WDR89: variants seen among roughly 807,000 people sequenced by gnomAD.
WDR89 encodes the protein WD repeat domain 89.
A neutral mutation model predicts 29.1 loss-of-function variants in WDR89; 17 were observed. The ratio of observed to expected loss-of-function variants is 0.58; its 90% confidence interval spans 0.40 to 0.88. The LOEUF (loss-of-function observed/expected upper bound fraction) is 0.88. Ranked by LOEUF, WDR89 falls within the 40% of genes least tolerant of loss-of-function variation. The pLI, the probability that WDR89 is intolerant of heterozygous loss-of-function variation, is 0.00. For synonymous variants in WDR89, 138 were observed against 157.8 expected (o/e 0.87, Z 0.94); for missense variants, 396 against 456.3 (o/e 0.87, Z 1.20).
chr14:63,617,077 C>CTT (rs10602220), intron 2 of WDR89, among the ~76,000 whole-genome samples: 58 of 104,088 alleles, frequency 5.6e-4, no homozygotes, highest in Non-Finnish European at 9.1e-4. Context: ...TAATTACAAG[C>CTT]TTTTTTTTTT....
intron 1 of WDR89, among the ~76,000 whole-genome samples, chr14:63,640,192 ACT>A (rs2139588425): frequency 6.6e-6 from 1 of 152,322 alleles, no homozygotes; most frequent in Admixed American, 6.5e-5. Flanking sequence ...GCAAGTTACC[ACT>A]GTTTTACTCG....
At chr14:63,609,546 C>T (rs372329543) in intron 2 of WDR89, among the ~76,000 whole-genome samples, 2 of 152,128 alleles carry the variant, frequency 1.3e-5, no homozygotes, top group South Asian at 2.1e-4. Flanking sequence ...CCCAGCACTT[C>T]GGGAAGCCGA....
intron 2 of WDR89, among the ~76,000 whole-genome samples, chr14:63,606,251 G>A (rs1172604143): frequency 6.6e-6 from 1 of 151,984 alleles, no homozygotes; most frequent in Non-Finnish European, 1.5e-5. Context: ...CCCAGCCTGT[G>A]TCTCAATTTT....
rs559461671 is a variant in WDR89 at position 63,621,389 on chromosome 14, G to C, written c.-32+3539C>G. Among the ~76,000 whole-genome samples, 16 of 152,180 alleles carry C rather than the reference G, an allele frequency of 1.1e-4. No individual in the cohort carries two copies. The East Asian group carries it at 3.1e-3, about 29-fold the overall frequency. The stretch of plus-strand genomic sequence containing the variant: ...GAGGCAGGTGGATCACCTGAGGTCA[G>C]GAGTTCGAGACCAGCCTGACCAACA... On this transcript the variant is annotated intron_variant, in intron 2 of 2. Coordinates refer to ENST00000620954, the MANE Select transcript of WDR89 (RefSeq NM_080666.4).
chr14:63,627,702 A>C (rs1356055977), intron 1 of WDR89, among the ~76,000 whole-genome samples: 1 of 152,164 alleles, frequency 6.6e-6, no homozygotes, highest in Non-Finnish European at 1.5e-5. Flanking sequence ...CGAAGGAATA[A>C]ACACATGGAG....
intron 1 of WDR89, among the ~76,000 whole-genome samples, chr14:63,640,353 T>C (rs1884024660): frequency 6.6e-6 from 1 of 152,208 alleles, no homozygotes; most frequent in Non-Finnish European, 1.5e-5. Flanking sequence ...TTTATTTCAA[T>C]TATACAGGTG....
At chr14:63,607,344 T>C (rs1895365826) in intron 2 of WDR89, among the ~76,000 whole-genome samples, 1 of 152,006 alleles carries the variant, frequency 6.6e-6, no homozygotes, top group Non-Finnish European at 1.5e-5. Flanking sequence ...TTTGTATTTT[T>C]AGTAGAGACG....
rs552293309 is a variant in WDR89, at chr14:63,641,600, C to A, written c.-138+204G>T. ...CCCGCAGAAGTTTCTTTGGCCAGGG[C>A]CAGCACAGGTTTGACCTGGTGGCTC... On this transcript the variant is annotated intron_variant, in intron 1 of 2. Transcript: ENST00000620954. 2.3e-4 allele frequency among the ~76,000 whole-genome samples: 35 copies of A among 152,384 alleles called. 1 individual carries two copies. The South Asian group carries it at 4.6e-3, about 20-fold the overall frequency.
At chr14:63,607,638 T>C (rs1431806702) in intron 2 of WDR89, among the ~76,000 whole-genome samples, 2 of 151,508 alleles carry the variant, frequency 1.3e-5, no homozygotes, top group Non-Finnish European at 2.9e-5. Context: ...TCCCAGCACT[T>C]TGGGAGGCCG....
At position 63,598,969 on chromosome 14, in the gene WDR89, C is replaced by T. The variant is rs188415224; in HGVS notation, c.974G>A (p.Arg325His). 1.4e-5 allele frequency: 23 copies of T among 1,614,202 alleles called. No individual in the cohort carries two copies. The East Asian group carries it at 2.5e-4, about 17-fold the overall frequency. ...SLQGGHAATV[R>H]SFCWNVQDDS... The stretch of plus-strand genomic sequence containing the variant: ...ATCTTGCACATTCCAACAGAAAGAA[C>T]GGACTGTAGCAGCATGCCCTCCCTG... The change falls in exon 3 of 3, where the codon CGT (arginine) becomes CAT (histidine). Residue 325 changes from arginine to histidine, a missense_variant. Arg to His is a conservative substitution (Grantham distance 29, BLOSUM62 0). Coordinates refer to ENST00000620954, the MANE Select transcript of WDR89 (RefSeq NM_080666.4).
intron 1 of WDR89, among the ~76,000 whole-genome samples, chr14:63,628,329 C>G (rs1431820091): frequency 6.6e-6 from 1 of 152,108 alleles, no homozygotes; most frequent in Non-Finnish European, 1.5e-5. Context: ...TTTCGCTGAC[C>G]AAAGAAATGC....
intron 2 of WDR89, among the ~76,000 whole-genome samples, chr14:63,605,401 C>T (rs568349301): frequency 6.6e-6 from 1 of 151,784 alleles, no homozygotes; most frequent in East Asian, 1.9e-4. Context: ...CATAATACTT[C>T]ATAAAGACAA....
At chr14:63,614,623 C>CA (rs767271893) in intron 2 of WDR89, among the ~76,000 whole-genome samples, 5 of 152,150 alleles carry the variant, frequency 3.3e-5, no homozygotes, top group Non-Finnish European at 5.9e-5. Context: ...CTAGAGGAAA[C>CA]AATACCTTGG....
intron 2 of WDR89, among the ~76,000 whole-genome samples, chr14:63,604,422 C>A (rs1895218189): frequency 6.6e-6 from 1 of 152,042 alleles, no homozygotes; most frequent in African/African-American, 2.4e-5. Flanking sequence ...CAAAAAAAAA[C>A]TGACACAAAA....
intron 1 of WDR89, among the ~76,000 whole-genome samples, chr14:63,627,940 A>C (rs1484920176): frequency 6.6e-6 from 1 of 152,138 alleles, no homozygotes; most frequent in Admixed American, 6.5e-5. Context: ...TTTTTTGATT[A>C]AATTTCTCTA....
chr14:63,601,565 G>C, intron 2 of WDR89: 1 of 1,598,206 alleles, frequency 6.3e-7, no homozygotes, highest in East Asian at 2.2e-5. Context: ...TGGTTGAAAG[G>C]AGTGCTGTTG....
chr14:63,641,634 G>C (rs898272159), intron 1 of WDR89, among the ~76,000 whole-genome samples, 170 bp downstream of exon 1: 1 of 152,258 alleles, frequency 6.6e-6, no homozygotes, highest in Admixed American at 6.5e-5. Context: ...TCCGACGGCG[G>C]AGCGAGACTG....
At chr14:63,634,818 C>T (rs1232816083) in intron 1 of WDR89, among the ~76,000 whole-genome samples, 2 of 145,122 alleles carry the variant, frequency 1.4e-5, no homozygotes, top group African/African-American at 5.1e-5. Context: ...TGCGGTGAGC[C>T]AAGATCGCAC....
At chr14:63,610,904 G>A (rs1881942167) in intron 2 of WDR89, among the ~76,000 whole-genome samples, 1 of 151,838 alleles carries the variant, frequency 6.6e-6, no homozygotes. Context: ...GTTTCACCAT[G>A]TTGGCCAGGC....
Sources: gnomAD v4.1 joint callset for allele counts (sites outside exome capture counted in the v4.1 genomes callset) on GRCh38, gnomAD v4.1.1 for gene constraint, MANE v1.5 for transcripts, NCBI Gene and HGNC (gene_info 2026-07-23, HGNC 2026-07-21) for gene names.